Variants in NRG3 observed in about 807,000 individuals in gnomAD.
NRG3 encodes the protein neuregulin 3.
In NRG3, 31 loss-of-function variants were observed where a neutral mutation model predicts 66.9. The observed-to-expected ratio is 0.46, with a 90% CI of 0.35 to 0.63. The LOEUF is 0.63. NRG3 is among the 20% of genes least tolerant of loss of function. The probability of loss-of-function intolerance (pLI) is 0.00; values close to 1 mark genes in which losing one functional copy is unlikely to be tolerated. For missense variants in NRG3, 910 were observed against 878.9 expected, an observed-to-expected ratio of 1.04 and a Z score of -0.45; for synonymous variants, 393 against 359.4, an observed-to-expected ratio of 1.09 and a Z score of -1.06.
intron 1 of NRG3, among the ~76,000 whole-genome samples, chr10:82,097,322 A>G (rs939676505): frequency 6.0e-4 from 90 of 150,322 alleles, no homozygotes; most frequent in African/African-American, 1.7e-3. Context: ...TTGTTTATCT[A>G]TTCCCTTATT....
At chr10:82,375,491 C>T (rs896607242) in intron 2 of NRG3, among the ~76,000 whole-genome samples, 7 of 149,780 alleles carry the variant, frequency 4.7e-5, no homozygotes, top group African/African-American at 1.7e-4. Flanking sequence ...GAGCTGAGAT[C>T]GTGCCACCGC....
At chr10:82,962,854 A>C (rs1725985363) in intron 6 of NRG3, among the ~76,000 whole-genome samples, 1 of 152,142 alleles carries the variant, frequency 6.6e-6, no homozygotes, top group Non-Finnish European at 1.5e-5. Flanking sequence ...AAACAAACAA[A>C]AAAAACAAAA....
In NRG3 at chr10:82,282,090, G is replaced by A. The variant is rs369586573; in HGVS notation, c.824-76649G>A. ...GAAGTCAAGCAGAAATGTAAATCAG[G>A]AGCAGGATAGTGGGGGCTGTGTCCA... On this transcript the variant is annotated intron_variant, in intron 1 of 8. Transcript: ENST00000372141. 5.9e-5 allele frequency among the ~76,000 whole-genome samples: 9 copies of A among 152,126 alleles called. No homozygotes were observed. The East Asian group carries it at 7.8e-4, about 13-fold the overall frequency.
intron 4 of NRG3, among the ~76,000 whole-genome samples, chr10:82,901,392 A>G (rs1245888822): frequency 2.0e-5 from 3 of 152,122 alleles, no homozygotes; most frequent in South Asian, 4.1e-4. Flanking sequence ...CTCCAACCTT[A>G]GAGAGGTGGA....
chr10:82,764,012 T>C (rs1208278726), intron 3 of NRG3, among the ~76,000 whole-genome samples: 1 of 152,196 alleles, frequency 6.6e-6, no homozygotes, highest in East Asian at 1.9e-4. Context: ...ATTGCATACA[T>C]GGCTTGCATA....
chr10:82,170,666 A>G (rs1238531156), intron 1 of NRG3, among the ~76,000 whole-genome samples: 94 of 101,908 alleles, frequency 9.2e-4, no homozygotes, highest in Admixed American at 2.2e-3. Flanking sequence ...ATATATATAT[A>G]TATATATATA....
intron 2 of NRG3, among the ~76,000 whole-genome samples, chr10:82,569,053 C>T (rs749068570): frequency 2.0e-5 from 3 of 151,536 alleles, no homozygotes; most frequent in South Asian, 4.2e-4. Flanking sequence ...TAATATATTC[C>T]GTTAACTCTT....
chr10:82,405,144 C>G (rs1216865111), intron 2 of NRG3, among the ~76,000 whole-genome samples: 4 of 152,042 alleles, frequency 2.6e-5, no homozygotes, highest in East Asian at 3.9e-4. Flanking sequence ...TGAAAAAGAC[C>G]TCAGAAAAGT....
At chr10:82,802,030 A>G (rs1207937798) in intron 3 of NRG3, among the ~76,000 whole-genome samples, 2 of 152,206 alleles carry the variant, frequency 1.3e-5, no homozygotes, top group African/African-American at 2.4e-5. Flanking sequence ...ACCATTAGTT[A>G]CCCATTTAAT....
chr10:82,592,786 C>G (rs555631496), intron 2 of NRG3, among the ~76,000 whole-genome samples: 1 of 152,218 alleles, frequency 6.6e-6, no homozygotes, highest in East Asian at 1.9e-4. Context: ...ACTAAAGACC[C>G]CTTGCCTGGA....
chr10:82,471,949 A>G (rs932925879), intron 2 of NRG3, among the ~76,000 whole-genome samples: 2 of 152,100 alleles, frequency 1.3e-5, no homozygotes, highest in Non-Finnish European at 2.9e-5. Context: ...ATTATAATTG[A>G]TTCATTCAGC....
chr10:82,467,532 C>G (rs1251391444), intron 2 of NRG3, among the ~76,000 whole-genome samples: 2 of 152,178 alleles, frequency 1.3e-5, no homozygotes, highest in South Asian at 2.1e-4. Flanking sequence ...AACTTGTGCT[C>G]TATTCCCTGG....
At chr10:82,544,241 T>G (rs1232742583) in intron 2 of NRG3, among the ~76,000 whole-genome samples, 2 of 152,158 alleles carry the variant, frequency 1.3e-5, no homozygotes, top group East Asian at 3.9e-4. Context: ...ATAATTAGGG[T>G]AGAGGTTAGA....
At chr10:82,280,065 A>G (rs2079053272) in intron 1 of NRG3, among the ~76,000 whole-genome samples, 1 of 152,162 alleles carries the variant, frequency 6.6e-6, no homozygotes, top group Non-Finnish European at 1.5e-5. Flanking sequence ...AGTTCTGATT[A>G]ACAGTTGAGG....
In NRG3 at chr10:82,649,881, T is replaced by C. The variant is rs141835550; in HGVS notation, c.954-88696T>C. On this transcript the variant is annotated intron_variant, in intron 2 of 8. Coordinates refer to ENST00000372141, the MANE Select transcript of NRG3 (RefSeq NM_001010848.4). ...ACTGATTATTGCTCAGAATTTTTTGTAGTTCTCAGTGGAAGTTCTTTTTTT... is the reference window on the plus strand; with the variant it reads ...ACTGATTATTGCTCAGAATTTTTTGCAGTTCTCAGTGGAAGTTCTTTTTTT... Among the ~76,000 whole-genome samples, 12 of 152,280 alleles carry C rather than the reference T, an allele frequency of 7.9e-5. No homozygotes were observed. In the East Asian group the frequency reaches 1.7e-3, roughly 22 times the overall value.
At chr10:82,899,485 G>A (rs1843998216) in intron 4 of NRG3, among the ~76,000 whole-genome samples, 1 of 152,208 alleles carries the variant, frequency 6.6e-6, no homozygotes, top group Non-Finnish European at 1.5e-5. Flanking sequence ...TTATTTGGAT[G>A]TGTTGCAGGA....
chr10:82,095,811 T>A (rs77387659), intron 1 of NRG3, among the ~76,000 whole-genome samples: 212 of 152,266 alleles, frequency 1.4e-3, no homozygotes, highest in African/African-American at 4.9e-3. Flanking sequence ...CACAGCAAAT[T>A]AAACAAATTC....
At chr10:82,803,902 A>G (rs1167456315) in intron 3 of NRG3, among the ~76,000 whole-genome samples, 1 of 152,224 alleles carries the variant, frequency 6.6e-6, no homozygotes, top group African/African-American at 2.4e-5. Context: ...ATAGTCCAAA[A>G]ATATTAAGTG....
chr10:82,295,398 C>T (rs1415170717), intron 1 of NRG3, among the ~76,000 whole-genome samples: 3 of 152,010 alleles, frequency 2.0e-5, no homozygotes, highest in Non-Finnish European at 4.4e-5. Context: ...AGCCTAGTGT[C>T]AAAATCTCTA....
Sources: gnomAD v4.1 joint callset for allele counts (sites outside exome capture counted in the v4.1 genomes callset) on GRCh38, gnomAD v4.1.1 for gene constraint, MANE v1.5 for transcripts, NCBI Gene and HGNC (gene_info 2026-07-23, HGNC 2026-07-21) for gene names.